The following PTPRR variants were observed in gnomAD, a reference collection of about 807,000 sequenced individuals.
PTPRR encodes receptor-type tyrosine-protein phosphatase R.
In PTPRR, 38 loss-of-function variants were observed where a neutral mutation model predicts 77.2. The observed-to-expected ratio is 0.49, with a 90% CI of 0.38 to 0.65. The LOEUF (loss-of-function observed/expected upper bound fraction) is 0.65, where lower values mean the gene tolerates loss of function less well. Ranked by LOEUF, PTPRR falls within the 30% of genes least tolerant of loss-of-function variation. The pLI is 0.00. For missense variants in PTPRR, 744 were observed against 799.2 expected, an observed-to-expected ratio of 0.93 and a Z score of 0.83; for synonymous variants, 299 against 283.1, an observed-to-expected ratio of 1.06 and a Z score of -0.57.
intron 6 of PTPRR, among the ~76,000 whole-genome samples, chr12:70,736,231 C>A (rs964416492): frequency 6.6e-6 from 1 of 152,110 alleles, no homozygotes; most frequent in Non-Finnish European, 1.5e-5. Flanking sequence ...AAATGGTTAT[C>A]TGTCATGAGT....
At chr12:70,672,389 T>C in intron 10 of PTPRR, 3 of 1,251,104 alleles carry the variant, frequency 2.4e-6, no homozygotes, top group Non-Finnish European at 2.3e-6. Flanking sequence ...GGAGGTAGAC[T>C]GGGAAGTGGA....
intron 6 of PTPRR, among the ~76,000 whole-genome samples, chr12:70,726,489 C>T (rs1345739689): frequency 1.3e-5 from 2 of 151,924 alleles, no homozygotes; most frequent in African/African-American, 4.8e-5. Flanking sequence ...ATGAGTTATA[C>T]ATGTAAAGTA....
chr12:70,853,979 T>C (rs1160435931), intron 2 of PTPRR, among the ~76,000 whole-genome samples: 1 of 152,220 alleles, frequency 6.6e-6, no homozygotes. Context: ...GAGAATCAAG[T>C]AGCTACAATA....
At chr12:70,695,222 G>A (rs532963654) in intron 8 of PTPRR, among the ~76,000 whole-genome samples, 40 of 152,230 alleles carry the variant, frequency 2.6e-4, no homozygotes, top group Admixed American at 1.8e-3. Flanking sequence ...AGAGTTTAGT[G>A]TAGGTTAAAA....
chr12:70,644,221 CTT>C (rs1049891750), intron 13 of PTPRR, among the ~76,000 whole-genome samples: 52 of 152,284 alleles, frequency 3.4e-4, no homozygotes, highest in African/African-American at 1.2e-3. Flanking sequence ...TAAATAAACT[CTT>C]TAAAATTTTA....
chr12:70,689,728 G>A (rs577661041), intron 8 of PTPRR, among the ~76,000 whole-genome samples: 12 of 152,124 alleles, frequency 7.9e-5, no homozygotes, highest in South Asian at 2.1e-4. Flanking sequence ...GCTATACAGC[G>A]CCCTAAAAGC....
intron 2 of PTPRR, among the ~76,000 whole-genome samples, chr12:70,815,255 GAA>G (rs1201199941): frequency 1.8e-4 from 28 of 151,896 alleles, no homozygotes; most frequent in African/African-American, 6.5e-4. Flanking sequence ...TGGTAAGCTT[GAA>G]GACACAGCAA....
At chr12:70,766,679 C>T (rs1890831637) in intron 2 of PTPRR, among the ~76,000 whole-genome samples, 1 of 151,172 alleles carries the variant, frequency 6.6e-6, no homozygotes. Context: ...CAAAGATACT[C>T]CTCGAGAAGA....
chr12:70,872,224 T>C (rs141673254), intron 2 of PTPRR, among the ~76,000 whole-genome samples: 1 of 152,292 alleles, frequency 6.6e-6, no homozygotes, highest in East Asian at 1.9e-4. Flanking sequence ...AAATTACTTG[T>C]ATTTCTATAG....
At chr12:70,749,166 C>A (rs545579858) in intron 5 of PTPRR, among the ~76,000 whole-genome samples, 2 of 152,120 alleles carry the variant, frequency 1.3e-5, no homozygotes, top group African/African-American at 4.8e-5. Flanking sequence ...ACAACAACAA[C>A]AACAACAAAC....
chr12:70,846,624 A>G (rs1219827499), intron 2 of PTPRR, among the ~76,000 whole-genome samples: 1 of 152,034 alleles, frequency 6.6e-6, no homozygotes, highest in Admixed American at 6.5e-5. Flanking sequence ...GAATGGGACT[A>G]GTCCCCTTAA....
intron 4 of PTPRR, 186 bp from the exon 5 acceptor site, chr12:70,754,487 GATT>G: frequency 6.4e-7 from 1 of 1,558,420 alleles, no homozygotes. Flanking sequence ...TATATATCGA[GATT>G]ATTTAGTCTC....
In PTPRR at chr12:70,920,503, C is replaced by T; in HGVS notation, c.-113G>A. ...TTCTAGTCTCCGGGATTCAGGTCCTCGGCTGGGGTTTGCAGAGCAGTCAGT... is the reference window on the plus strand; with the variant it reads ...TTCTAGTCTCCGGGATTCAGGTCCTTGGCTGGGGTTTGCAGAGCAGTCAGT... On this transcript the variant is annotated 5_prime_UTR_variant, in exon 1 of 14. Coordinates refer to ENST00000283228, the MANE Select transcript of PTPRR (RefSeq NM_002849.4). 5 of 1,042,066 alleles carry T rather than the reference C, an allele frequency of 4.8e-6. No individual in the cohort carries two copies. Among genetic ancestry groups the T allele is most frequent in the South Asian group, 2.8e-5 (2 of 72,494 alleles). The allele number at this position is 1,042,066 out of a possible 1,614,324, so 64.6% of individuals were successfully genotyped here. A position where few individuals can be genotyped will look rare whatever the true frequency, so the allele number is the denominator to read the frequency against.
intron 1 of PTPRR, among the ~76,000 whole-genome samples, chr12:70,901,439 C>G (rs138644276): frequency 4.6e-5 from 7 of 151,708 alleles, no homozygotes; most frequent in Admixed American, 2.0e-4. Flanking sequence ...GAATACAGAA[C>G]CTGGAAATAA....
At chr12:70,866,654 AAG>A (rs1179328679) in intron 2 of PTPRR, among the ~76,000 whole-genome samples, 4 of 152,210 alleles carry the variant, frequency 2.6e-5, no homozygotes, top group Non-Finnish European at 4.4e-5. Context: ...TCAATAGAAA[AAG>A]AGGGAATCCT....
chr12:70,776,783 C>T (rs950712473), intron 2 of PTPRR, among the ~76,000 whole-genome samples: 19 of 152,112 alleles, frequency 1.2e-4, no homozygotes, highest in Non-Finnish European at 2.4e-4. Flanking sequence ...ATTCTGCCAG[C>T]CTTCCCTGAC....
intron 1 of PTPRR, among the ~76,000 whole-genome samples, chr12:70,919,997 C>T (rs967384955): frequency 2.0e-5 from 3 of 152,010 alleles, no homozygotes; most frequent in African/African-American, 7.3e-5. Flanking sequence ...TTATCCCTCT[C>T]CTGAAAAATT....
intron 6 of PTPRR, among the ~76,000 whole-genome samples, chr12:70,725,171 C>G (rs1294238095): frequency 6.6e-6 from 1 of 152,076 alleles, no homozygotes; most frequent in Non-Finnish European, 1.5e-5. Context: ...TATTTGCCAT[C>G]TAGCTATGTA....
intron 13 of PTPRR, among the ~76,000 whole-genome samples, chr12:70,640,135 T>TACCTATATC: frequency 6.6e-6 from 1 of 152,300 alleles, no homozygotes; most frequent in African/African-American, 2.4e-5. Context: ...ATATACATAA[T>TACCTATATC]ACCTATATCA....
Sources: allele counts gnomAD v4.1 joint callset (sites outside exome capture counted in the v4.1 genomes callset), GRCh38; gene constraint gnomAD v4.1.1; transcripts MANE v1.5; gene names NCBI Gene and HGNC (gene_info 2026-07-23, HGNC 2026-07-21).